Variants in DLGAP2 observed in about 807,000 individuals in gnomAD.
DLGAP2 encodes the protein disks large-associated protein 2.
In DLGAP2, 26 loss-of-function variants were observed where a neutral mutation model predicts 100.3. The ratio of observed to expected loss-of-function variants is 0.26; its 90% CI spans 0.19 to 0.36. DLGAP2 has a LOEUF of 0.36. Ranked by LOEUF, DLGAP2 falls within the 10% of genes least tolerant of loss-of-function variation. The probability of loss-of-function intolerance (pLI) is 1.00; values close to 1 mark genes in which losing one functional copy is unlikely to be tolerated. For missense variants in DLGAP2, 1,858 were observed against 1,453.2 expected (o/e 1.28, Z -4.53); for synonymous variants, 886 against 630.1 (o/e 1.41, Z -6.08).
chr8:1,694,958 C>G (rs1442214437), intron 13 of DLGAP2, among the ~76,000 whole-genome samples: 1 of 152,204 alleles, frequency 6.6e-6, no homozygotes, highest in African/African-American at 2.4e-5. Flanking sequence ...AAACCAAACC[C>G]TGACCATGCC....
chr8:1,434,029 G>T (rs1034854928), intron 3 of DLGAP2, among the ~76,000 whole-genome samples: 10 of 152,260 alleles, frequency 6.6e-5, no homozygotes, highest in Non-Finnish European at 8.8e-5. Flanking sequence ...TCCATGCCCT[G>T]CAAGAAAGTG....
intron 6 of DLGAP2, chr8:1,604,838 G>A (rs1416745689): frequency 6.6e-6 from 1 of 152,144 alleles, no homozygotes; most frequent in Non-Finnish European, 1.5e-5. Flanking sequence ...TGGCTTAGAT[G>A]TAAATAATAA....
chr8:844,437 G>C (rs951037335), intron 1 of DLGAP2, among the ~76,000 whole-genome samples: 5 of 151,800 alleles, frequency 3.3e-5, no homozygotes, highest in African/African-American at 1.2e-4. Flanking sequence ...CTTTCCAGCC[G>C]TGCTGTCCTT....
chr8:1,150,581 A>C (rs2063082538), intron 2 of DLGAP2, among the ~76,000 whole-genome samples: 1 of 152,226 alleles, frequency 6.6e-6, no homozygotes, highest in South Asian at 2.1e-4. Flanking sequence ...ATTCCTATGA[A>C]TCTACTGTGG....
intron 5 of DLGAP2, among the ~76,000 whole-genome samples, chr8:1,565,324 T>C (rs765629588): frequency 6.6e-6 from 1 of 152,148 alleles, no homozygotes; most frequent in Non-Finnish European, 1.5e-5. Context: ...TTTCCTTTTC[T>C]TCTCTGTTCA....
intron 2 of DLGAP2, among the ~76,000 whole-genome samples, chr8:1,114,628 AT>A (rs576271252): frequency 9.2e-5 from 13 of 141,446 alleles, no homozygotes; most frequent in Non-Finnish European, 1.6e-4. Flanking sequence ...TATCTTACTA[AT>A]TTTTTTTTTC....
intron 2 of DLGAP2, among the ~76,000 whole-genome samples, chr8:1,066,726 T>G (rs1803266499): frequency 6.6e-6 from 1 of 152,226 alleles, no homozygotes; most frequent in Non-Finnish European, 1.5e-5. Flanking sequence ...CCACCACGAC[T>G]GGCCTGTCTT....
At chr8:1,536,712 T>G (rs769642080) in intron 4 of DLGAP2, among the ~76,000 whole-genome samples, 7 of 152,324 alleles carry the variant, frequency 4.6e-5, no homozygotes, top group Non-Finnish European at 7.4e-5. Flanking sequence ...TTTGGTCTCA[T>G]ATTCATTTTG....
At chr8:1,174,661 G>A (rs1384013232) in intron 2 of DLGAP2, among the ~76,000 whole-genome samples, 2 of 146,096 alleles carry the variant, frequency 1.4e-5, no homozygotes, top group East Asian at 2.3e-4. Flanking sequence ...TACCATCATT[G>A]TCATCATCAC....
chr8:1,199,797 G>A (rs951251327), intron 2 of DLGAP2, among the ~76,000 whole-genome samples: 2 of 151,948 alleles, frequency 1.3e-5, no homozygotes, highest in African/African-American at 2.4e-5. Context: ...ACACTTAAAC[G>A]ATGATTATTT....
At chr8:805,457 T>C (rs1336099093) in intron 1 of DLGAP2, among the ~76,000 whole-genome samples, 1 of 152,090 alleles carries the variant, frequency 6.6e-6, no homozygotes, top group African/African-American at 2.4e-5. Flanking sequence ...TCTTCACTTA[T>C]CTAAAGATCT....
At chr8:1,218,439 T>C (rs76247210) in intron 2 of DLGAP2, among the ~76,000 whole-genome samples, 2,813 of 152,276 alleles carry the variant, frequency 0.018, 98 homozygotes, top group African/African-American at 0.063. Context: ...TCCCGTTCCA[T>C]TGGTCTATGT....
intron 3 of DLGAP2, among the ~76,000 whole-genome samples, chr8:1,335,080 C>T (rs1372477391): frequency 6.6e-6 from 1 of 152,284 alleles, no homozygotes; most frequent in Non-Finnish European, 1.5e-5. Flanking sequence ...GTTCTAGGAA[C>T]CATGGTCTGA....
At chr8:1,280,899 G>A (rs963215218) in intron 3 of DLGAP2, among the ~76,000 whole-genome samples, 40 of 152,300 alleles carry the variant, frequency 2.6e-4, no homozygotes, top group Admixed American at 1.6e-3. Flanking sequence ...TATTACATGC[G>A]TATTCTGGGA....
At chr8:1,556,605 G>C (rs1338978787) in intron 5 of DLGAP2, among the ~76,000 whole-genome samples, 1 of 152,194 alleles carries the variant, frequency 6.6e-6, no homozygotes, top group African/African-American at 2.4e-5. Context: ...CCAACCCAAA[G>C]TACAGCAGGA....
At chr8:1,462,987 G>A (rs1324541958) in intron 3 of DLGAP2, among the ~76,000 whole-genome samples, 6 of 152,152 alleles carry the variant, frequency 3.9e-5, no homozygotes, top group South Asian at 2.1e-4. Context: ...AGTGGCTCAC[G>A]CCTGTAATCC....
chr8:1,271,975 T>C (rs1299227985), intron 3 of DLGAP2, among the ~76,000 whole-genome samples: 1 of 152,060 alleles, frequency 6.6e-6, no homozygotes, highest in African/African-American at 2.4e-5. Flanking sequence ...CACACCCAGC[T>C]AGTTTTTGGA....
chr8:1,450,339 C>T lies in DLGAP2; in HGVS notation c.107-51027C>T, dbSNP rs112208348. On this transcript the variant is annotated intron_variant, in intron 3 of 14. Transcript: ENST00000637795. ...TGAGGCGGAGCTGTGAGGGTGAAGA[C>T]GAGGTGGGCGACCTCGGTGGCTGAG... Among the ~76,000 whole-genome samples the T allele has an allele frequency of 4.2e-3, 270 of 63,570 alleles. 2 individuals are homozygous for T. Among genetic ancestry groups the T allele is most frequent in the East Asian group, 6.3e-3 (14 of 2,238 alleles). The allele number at this position is 63,570 out of a possible 152,430, so 41.7% of individuals were successfully genotyped here. A position where few individuals can be genotyped will look rare whatever the true frequency, so the allele number is the denominator to read the frequency against.
At chr8:1,582,625 C>A (rs1033425833) in intron 6 of DLGAP2, among the ~76,000 whole-genome samples, 4 of 152,056 alleles carry the variant, frequency 2.6e-5, no homozygotes, top group Non-Finnish European at 5.9e-5. Flanking sequence ...AGTCTCGCTC[C>A]GTCACCCAGG....
Sources: allele counts gnomAD v4.1 joint callset (sites outside exome capture counted in the v4.1 genomes callset), GRCh38; gene constraint gnomAD v4.1.1; transcripts MANE v1.5; gene names NCBI Gene and HGNC (gene_info 2026-07-23, HGNC 2026-07-21).